Variants in SRPK2 observed in about 807,000 individuals in gnomAD.
The protein encoded by SRPK2 is SFRS protein kinase 2.
In SRPK2, 21 loss-of-function variants were observed where a neutral mutation model predicts 90.8. That is an observed-to-expected ratio of 0.23 (90% confidence interval 0.16 to 0.33). SRPK2 has a LOEUF of 0.33. Ranked by LOEUF, SRPK2 falls within the 10% of genes least tolerant of loss-of-function variation. The pLI, the probability that SRPK2 is intolerant of heterozygous loss-of-function variation, is 1.00. For missense variants in SRPK2, 620 were observed against 869.0 expected, an observed-to-expected ratio of 0.71 and a Z score of 3.60; for synonymous variants, 288 against 311.1, an observed-to-expected ratio of 0.93 and a Z score of 0.78.
At chr7:105,146,416 C>A in intron 8 of SRPK2, 77 bp downstream of exon 8, 1 of 1,484,008 alleles carries the variant, frequency 6.7e-7, no homozygotes, top group Admixed American at 2.2e-5. Context: ...ACGTTTGATT[C>A]AGATACCTTC....
rs117557126 is a variant in SRPK2, at chr7:105,206,947, A to G, written c.72-3162T>C. Among the ~76,000 whole-genome samples the G allele has an allele frequency of 4.9e-3, 751 of 152,304 alleles. 1 individual carries two copies. Among genetic ancestry groups the G allele is most frequent in the Middle Eastern group, 0.017 (5 of 294 alleles). ...TCTTTCCTAGGACTTCTAATGACCT[A>G]CTTCATACTAATTATCACCAATACT... On this transcript the variant is annotated intron_variant, in intron 2 of 15. Coordinates refer to ENST00000393651, the MANE Select transcript of SRPK2 (RefSeq NM_182692.3).
At chr7:105,140,494 G>A (rs192730611) in intron 11 of SRPK2, among the ~76,000 whole-genome samples, 10 of 150,122 alleles carry the variant, frequency 6.7e-5, no homozygotes, top group East Asian at 2.0e-4. Context: ...CCAGCTGCTC[G>A]GGAGACTGAG....
intron 2 of SRPK2, among the ~76,000 whole-genome samples, chr7:105,219,893 A>G (rs1427749027): frequency 6.6e-6 from 1 of 152,036 alleles, no homozygotes; most frequent in Non-Finnish European, 1.5e-5. Context: ...TAATGTTTCT[A>G]TGTATTAGGA....
At chr7:105,196,117 T>C (rs1794882065) in intron 3 of SRPK2, among the ~76,000 whole-genome samples, 1 of 152,122 alleles carries the variant, frequency 6.6e-6, no homozygotes, top group East Asian at 1.9e-4. Flanking sequence ...AGATCAGGAG[T>C]CAGAATCTCC....
chr7:105,398,381 CTTT>C (rs1183621196), intron 1 of SRPK2, among the ~76,000 whole-genome samples: 3 of 135,072 alleles, frequency 2.2e-5, no homozygotes, highest in Admixed American at 7.6e-5. Flanking sequence ...ACCCAGCCTC[CTTT>C]TTTTTTTTTT....
At chr7:105,359,226 T>G (rs1369176411) in intron 2 of SRPK2, among the ~76,000 whole-genome samples, 1 of 149,194 alleles carries the variant, frequency 6.7e-6, no homozygotes, top group African/African-American at 2.5e-5. Flanking sequence ...TGGCGCGATC[T>G]TGGCTCACTG....
At chr7:105,292,525 A>AAAG (rs1809190476) in intron 2 of SRPK2, among the ~76,000 whole-genome samples, 1 of 140,230 alleles carries the variant, frequency 7.1e-6, no homozygotes, top group Non-Finnish European at 1.6e-5. Context: ...AAAAAAAAAG[A>AAAG]GCATAATATA....
At chr7:105,261,001 G>T (rs1804165052) in intron 2 of SRPK2, among the ~76,000 whole-genome samples, 2 of 130,698 alleles carry the variant, frequency 1.5e-5, no homozygotes, top group Non-Finnish European at 3.1e-5. Context: ...CCTGCACATT[G>T]TGCATATGTA....
chr7:105,147,101 T>C (rs564738993), intron 7 of SRPK2, among the ~76,000 whole-genome samples: 69 of 152,338 alleles, frequency 4.5e-4, no homozygotes, highest in African/African-American at 1.6e-3. Flanking sequence ...TTTCTCTTCT[T>C]TATGATTGTC....
chr7:105,326,104 T>C (rs1042715892), intron 2 of SRPK2, among the ~76,000 whole-genome samples: 2 of 152,238 alleles, frequency 1.3e-5, no homozygotes, highest in African/African-American at 4.8e-5. Flanking sequence ...AAAGTCATCC[T>C]TGACTTTCCT....
intron 2 of SRPK2, chr7:105,268,745 C>T: frequency 6.5e-7 from 1 of 1,528,662 alleles, no homozygotes; most frequent in Non-Finnish European, 8.9e-7. Flanking sequence ...AAAAATATGT[C>T]CTGGTTTGTT....
intron 2 of SRPK2, among the ~76,000 whole-genome samples, chr7:105,348,629 G>A (rs1395083491): frequency 6.6e-6 from 1 of 150,750 alleles, no homozygotes; most frequent in Non-Finnish European, 1.5e-5. Flanking sequence ...CACCATGTTG[G>A]CCAGGCTGGT....
Position 105,133,060 on chromosome 7 carries a change from G to T in SRPK2, c.1588C>A (p.Arg530=), listed in dbSNP as rs373228452. The change falls in exon 12 of 16, where the codon CGG becomes AGG. Residue 530 remains arginine (R), a synonymous_variant. Coordinates refer to ENST00000393651, the MANE Select transcript of SRPK2 (RefSeq NM_182692.3). ...ADLLVNPLDP[R]NADKIRVKIA... is the part of the protein sequence containing the mutation. ...TTTACTCTAATTTTATCTGCATTCCGCGGATCCAGGGGATTCACCAACAAG... is the reference window on the plus strand; with the variant it reads ...TTTACTCTAATTTTATCTGCATTCCTCGGATCCAGGGGATTCACCAACAAG... The T allele has an allele frequency of 6.2e-7, 1 of 1,614,084 alleles. No individual in the cohort carries two copies. The highest frequency in any genetic ancestry group is 2.2e-5 in the East Asian group (1 of 44,886).
chr7:105,130,637 G>A (rs1801868911), intron 13 of SRPK2, among the ~76,000 whole-genome samples: 1 of 150,586 alleles, frequency 6.6e-6, no homozygotes, highest in Non-Finnish European at 1.5e-5. Context: ...GGTATTATGA[G>A]GTCAAATTTA....
At chr7:105,366,232 G>A (rs1373646124) in intron 2 of SRPK2, among the ~76,000 whole-genome samples, 1 of 151,942 alleles carries the variant, frequency 6.6e-6, no homozygotes, top group African/African-American at 2.4e-5. Flanking sequence ...ATTTCTTAAG[G>A]CAAACCTCTA....
At chr7:105,122,766 A>G (rs1395795135) in intron 15 of SRPK2, among the ~76,000 whole-genome samples, 1 of 151,986 alleles carries the variant, frequency 6.6e-6, no homozygotes, top group Non-Finnish European at 1.5e-5. Context: ...TGAAATTTTC[A>G]ATTGTATTTA....
chr7:105,132,145 G>A (rs1332500026), intron 13 of SRPK2, among the ~76,000 whole-genome samples: 2 of 152,244 alleles, frequency 1.3e-5, no homozygotes, highest in African/African-American at 4.8e-5. Flanking sequence ...CCCTGTGGAA[G>A]CCGTCATCTC....
chr7:105,188,385 T>C (rs888206722), intron 3 of SRPK2, among the ~76,000 whole-genome samples: 1 of 152,204 alleles, frequency 6.6e-6, no homozygotes, highest in African/African-American at 2.4e-5. Flanking sequence ...TGGAGAATGA[T>C]GAAAATGTTC....
At chr7:105,203,122 G>A (rs1795764434) in intron 3 of SRPK2, among the ~76,000 whole-genome samples, 3 of 152,096 alleles carry the variant, frequency 2.0e-5, no homozygotes, top group South Asian at 4.1e-4. Flanking sequence ...CCAAGTGCCT[G>A]GAACTACAGG....
Sources: gnomAD v4.1 joint callset for allele counts (sites outside exome capture counted in the v4.1 genomes callset) on GRCh38, gnomAD v4.1.1 for gene constraint, MANE v1.5 for transcripts, NCBI Gene and HGNC (gene_info 2026-07-23, HGNC 2026-07-21) for gene names.